Variants in NLRP14 observed in about 807,000 individuals in gnomAD.
NLRP14 encodes NACHT, LRR and PYD domains-containing protein 14.
A neutral mutation model predicts 94.7 loss-of-function variants in NLRP14; 105 were observed. That is an observed-to-expected ratio of 1.11 (90% CI 0.95 to 1.30). NLRP14 has a LOEUF of 1.30. Ranked by LOEUF, NLRP14 falls within the 50% of genes most tolerant of loss-of-function variation. The probability of loss-of-function intolerance (pLI) is 0.00; values close to 1 mark genes in which losing one functional copy is unlikely to be tolerated. For missense variants in NLRP14, 1,362 were observed against 1,254.1 expected (o/e 1.09, Z -1.30); for synonymous variants, 508 against 459.9 (o/e 1.10, Z -1.34).
chr11:7,075,306 A>G (rs1041910552), downstream of NLRP14, among the ~76,000 whole-genome samples: 1 of 152,244 alleles, frequency 6.6e-6, no homozygotes, highest in Non-Finnish European at 1.5e-5. Context: ...TAGTATTAAA[A>G]TTTTTGAAAA....
intron 1 of NLRP14, among the ~76,000 whole-genome samples, chr11:7,037,834 C>T (rs1852182543): frequency 1.3e-5 from 2 of 152,038 alleles, no homozygotes; most frequent in South Asian, 4.1e-4. Context: ...GAGTAAACTG[C>T]CAGAGAGCAG....
the NLRP14 span, chr11:7,089,025 C>A: frequency 7.0e-7 from 1 of 1,426,250 alleles, no homozygotes. Context: ...GCCGCCTGAC[C>A]AGTAGGAGCC....
At chr11:7,051,804 G>T (rs927426004) in intron 6 of NLRP14, among the ~76,000 whole-genome samples, 1 of 151,328 alleles carries the variant, frequency 6.6e-6, no homozygotes, top group African/African-American at 2.4e-5. Flanking sequence ...TGTGTTTTTA[G>T]TAGAGATGGG....
Position 7,065,059 on chromosome 11 carries a change from T to A in NLRP14, c.2975+2556T>A, listed in dbSNP as rs528455739. ...CCATCTTCTTAAAGAGAATTTTGGC[T>A]CTCCTTCCCCTTTACATTTGCAAAT... On this transcript the variant is annotated intron_variant, in intron 10 of 11. Coordinates refer to ENST00000299481, the MANE Select transcript of NLRP14 (RefSeq NM_176822.4). Among the ~76,000 whole-genome samples, 7 of 152,170 alleles carry A rather than the reference T, an allele frequency of 4.6e-5. No individual in the cohort carries two copies. In the South Asian group the frequency reaches 8.3e-4, roughly 18 times the overall value.
At chr11:7,065,093 A>G (rs1251198988) in intron 10 of NLRP14, among the ~76,000 whole-genome samples, 5 of 152,116 alleles carry the variant, frequency 3.3e-5, no homozygotes, top group Non-Finnish European at 4.4e-5. Context: ...ATAAATTGGA[A>G]ATATCAACTT....
the NLRP14 span, among the ~76,000 whole-genome samples, chr11:7,084,348 T>C: frequency 6.6e-6 from 1 of 152,158 alleles, no homozygotes; most frequent in Non-Finnish European, 1.5e-5. Flanking sequence ...TCCTGGGAGA[T>C]AGGAGTACGC....
the NLRP14 span, among the ~76,000 whole-genome samples, chr11:7,077,672 G>C: frequency 6.6e-6 from 1 of 152,244 alleles, no homozygotes; most frequent in Admixed American, 6.5e-5. Flanking sequence ...AAGGTGAAAG[G>C]CACGTCTCAC....
intron 1 of NLRP14, among the ~76,000 whole-genome samples, chr11:7,031,948 G>GCTTTA (rs1477848872): frequency 6.6e-6 from 1 of 152,114 alleles, no homozygotes; most frequent in Non-Finnish European, 1.5e-5. Context: ...GTGCTTTAGT[G>GCTTTA]CTTTAGCACC....
At chr11:7,073,632 C>G (rs1328998811), downstream of NLRP14, among the ~76,000 whole-genome samples, 1 of 152,178 alleles carries the variant, frequency 6.6e-6, no homozygotes. Context: ...TCCCACAACT[C>G]TCTTTTCCCT....
At chr11:7,089,456 C>A in the NLRP14 span, 4 of 1,334,320 alleles carry the variant, frequency 3.0e-6, no homozygotes, top group Non-Finnish European at 3.8e-6. Context: ...GCGGAACCCG[C>A]GGGGGTGGCG....
chr11:7,057,815 A>C lies in NLRP14; in HGVS notation c.2430A>C (p.Leu810Phe), dbSNP rs766563383. Residue 810 changes from leucine to phenylalanine, a missense_variant, in exon 7 of 12, where the codon TTA becomes TTC. Physicochemically the swap from Leu to Phe is conservative, Grantham distance 22. Coordinates refer to ENST00000299481, the MANE Select transcript of NLRP14 (RefSeq NM_176822.4). ...GAGTGCAGCTTTTGTGTGAGGCCTT[A>C]AGACATCCAAAGTGTTATCTAGAGA... is the stretch of plus-strand genomic sequence containing the variant. ...DDGVQLLCEA[L>F]RHPKCYLERL... 9 of 1,612,358 alleles carry C rather than the reference A, an allele frequency of 5.6e-6. No homozygotes were observed. The highest frequency in any genetic ancestry group is 7.6e-6 in the Non-Finnish European group (9 of 1,178,534).
downstream of NLRP14, among the ~76,000 whole-genome samples, chr11:7,075,043 C>A (rs1407261502): frequency 6.6e-6 from 1 of 152,056 alleles, no homozygotes; most frequent in Non-Finnish European, 1.5e-5. Flanking sequence ...TTTGAAAGGG[C>A]TGGTTTCTGT....
Position 7,043,999 on chromosome 11 carries a change from G to A in NLRP14, c.1958+15G>A. 1 of 1,612,692 alleles carries A rather than the reference G, an allele frequency of 6.2e-7. No homozygotes were observed. Among genetic ancestry groups the A allele is most frequent in the Non-Finnish European group, 8.5e-7 (1 of 1,178,752 alleles). ...ACTAACACTTGGTAAGTGTGTTAGG[G>A]CCATTCCCTGGAAGTGCCCTGTAAG... On this transcript the variant is annotated intron_variant, in intron 4 of 11. Coordinates refer to ENST00000299481, the MANE Select transcript of NLRP14 (RefSeq NM_176822.4).
At chr11:7,041,699 A>G (rs1353736921) in intron 3 of NLRP14, among the ~76,000 whole-genome samples, 1 of 152,162 alleles carries the variant, frequency 6.6e-6, no homozygotes, top group Non-Finnish European at 1.5e-5. Context: ...AGCTAGTGAC[A>G]TGTACTGTGA....
At chr11:7,089,069 G>GCGCCGCCT in the NLRP14 span, 2 of 1,580,218 alleles carry the variant, frequency 1.3e-6, no homozygotes, top group Non-Finnish European at 1.7e-6. Context: ...GCTGCGACTG[G>GCGCCGCCT]CGCCGCCTCA....
chr11:7,059,111 G>C (rs1338139794), intron 8 of NLRP14, among the ~76,000 whole-genome samples: 2 of 150,490 alleles, frequency 1.3e-5, no homozygotes, highest in African/African-American at 4.9e-5. Flanking sequence ...AATGTTTTTG[G>C]CCTTTTATAT....
At chr11:7,027,831 T>C (rs988852061) in intron 1 of NLRP14, among the ~76,000 whole-genome samples, 1 of 152,228 alleles carries the variant, frequency 6.6e-6, no homozygotes, top group Non-Finnish European at 1.5e-5. Context: ...TTTGGCACAA[T>C]TGATTTCAAG....
the NLRP14 span, among the ~76,000 whole-genome samples, chr11:7,086,894 C>G: frequency 0.13 from 20,457 of 152,140 alleles, 1,805 homozygotes; most frequent in Non-Finnish European, 0.2. Flanking sequence ...TAATAGGAAC[C>G]TAAAACAATA....
In NLRP14 at chr11:7,042,605, G is replaced by A. The variant is rs929029951; in HGVS notation, c.579G>A (p.Val193=). 1 of 1,614,238 alleles carries A rather than the reference G, an allele frequency of 6.2e-7. No individual in the cohort carries two copies. The highest frequency in any genetic ancestry group is 8.5e-7 in the Non-Finnish European group (1 of 1,180,044). ...GAAGVGKTTL[V]RKAMLDWAEG... ...CTGGAGTTGGGAAAACAACCTTGGT[G>A]AGAAAGGCAATGTTAGATTGGGCAG... is the stretch of plus-strand genomic sequence containing the variant. The change falls in exon 4 of 12, where the codon GTG becomes GTA. Residue 193 remains valine, a synonymous_variant. Transcript: ENST00000299481.
Sources: allele counts gnomAD v4.1 joint callset (sites outside exome capture counted in the v4.1 genomes callset), GRCh38; gene constraint gnomAD v4.1.1; transcripts MANE v1.5; gene names NCBI Gene and HGNC (gene_info 2026-07-23, HGNC 2026-07-21).